Variants in ASNS observed in about 807,000 individuals in gnomAD.
ASNS encodes asparagine synthetase (glutamine-hydrolyzing).
A neutral mutation model predicts 62.6 loss-of-function variants in ASNS; 37 were observed. That is an observed-to-expected ratio of 0.59 (90% CI 0.45 to 0.78). The LOEUF (loss-of-function observed/expected upper bound fraction) is 0.78, where lower values mean the gene tolerates loss of function less well. ASNS is among the 30% of genes least tolerant of loss of function. The probability of loss-of-function intolerance (pLI) is 0.00; values close to 1 mark genes in which losing one functional copy is unlikely to be tolerated. For missense variants in ASNS, 520 were observed against 682.4 expected (o/e 0.76, Z 2.65); for synonymous variants, 207 against 237.9 (o/e 0.87, Z 1.19).
chr7:97,896,651 T>A, the ASNS span, among the ~76,000 whole-genome samples: 1 of 137,392 alleles, frequency 7.3e-6, no homozygotes, highest in Non-Finnish European at 1.6e-5. Flanking sequence ...TATATGTGTA[T>A]ATATACGTAT....
At chr7:97,885,949 C>T in the ASNS span, 1 of 593,314 alleles carries the variant, frequency 1.7e-6, no homozygotes, top group East Asian at 3.7e-5. Flanking sequence ...GCCAGTGGGA[C>T]CTGCTCCTGG....
chr7:97,864,180 A>G, intron 4 of ASNS, 79 bp downstream of exon 4: 1 of 1,330,770 alleles, frequency 7.5e-7, no homozygotes, highest in Non-Finnish European at 1.0e-6. Context: ...ATTGCTCTCT[A>G]AGAGATTTTC....
intron 4 of ASNS, chr7:97,863,310 C>G (rs775305120): frequency 6.6e-6 from 1 of 152,190 alleles, no homozygotes; most frequent in African/African-American, 2.4e-5. Context: ...GAAGTAAGTA[C>G]TGATACATGC....
chr7:97,909,206 T>C, the ASNS span, among the ~76,000 whole-genome samples: 2 of 151,996 alleles, frequency 1.3e-5, no homozygotes, highest in Non-Finnish European at 2.9e-5. Context: ...TCCTCCAGCA[T>C]TGGTATCCTA....
rs1791550817 is a variant in ASNS, at chr7:97,858,274, T to G, written c.903+4A>C. On this transcript the variant is annotated splice_donor_region_variant and intron_variant, in intron 7 of 12. Transcript: ENST00000394308. ...CTACACAAGGGACAGAGACAGCACCTTACCTTTCTAGCAGCCAGTAAATCG... is the reference window on the plus strand; with the variant it reads ...CTACACAAGGGACAGAGACAGCACCGTACCTTTCTAGCAGCCAGTAAATCG... 6.2e-7 allele frequency: 1 copy of G among 1,612,600 alleles called. No homozygotes were observed. Among genetic ancestry groups the G allele is most frequent in the African/African-American group, 1.3e-5 (1 of 74,874 alleles).
the ASNS span, among the ~76,000 whole-genome samples, chr7:97,918,932 C>T: frequency 1.3e-5 from 2 of 151,776 alleles, no homozygotes; most frequent in African/African-American, 2.4e-5. Flanking sequence ...TATCTCAGAA[C>T]GTAGAATAAA....
the ASNS span, among the ~76,000 whole-genome samples, chr7:97,882,499 G>T: frequency 6.6e-6 from 1 of 151,850 alleles, no homozygotes; most frequent in Non-Finnish European, 1.5e-5. Flanking sequence ...AGTGAGCCGA[G>T]ATCGCATCAC....
chr7:97,899,646 G>A, the ASNS span, among the ~76,000 whole-genome samples: 1 of 152,150 alleles, frequency 6.6e-6, no homozygotes, highest in South Asian at 2.1e-4. Flanking sequence ...ACCACTAATC[G>A]ACTTCCTATT....
At chr7:97,860,797 T>C (rs1290423150) in intron 4 of ASNS, among the ~76,000 whole-genome samples, 1 of 152,180 alleles carries the variant, frequency 6.6e-6, no homozygotes, top group Non-Finnish European at 1.5e-5. Flanking sequence ...TCTTCCAACT[T>C]GTGGGCCGTC....
chr7:97,879,956 C>T, the ASNS span, among the ~76,000 whole-genome samples: 1 of 152,144 alleles, frequency 6.6e-6, no homozygotes, highest in Admixed American at 6.6e-5. Context: ...TCCTGGGAGA[C>T]AGTTATGCCA....
the ASNS span, among the ~76,000 whole-genome samples, chr7:97,917,291 C>T: frequency 2.0e-5 from 3 of 151,642 alleles, no homozygotes; most frequent in Non-Finnish European, 4.4e-5. Context: ...ACCTGGCAAG[C>T]CTAACCCTGC....
At chr7:97,924,395 C>T in the ASNS span, among the ~76,000 whole-genome samples, 1 of 152,218 alleles carries the variant, frequency 6.6e-6, no homozygotes, top group African/African-American at 2.4e-5. Context: ...GCAGACACAC[C>T]ACGTTCCAGT....
chr7:97,871,588 G>GAAAACTGTCCTTTTTATTTAAAAAAAAT (rs1792263419), intron 1 of ASNS: 1 of 152,478 alleles, frequency 6.6e-6, no homozygotes, highest in African/African-American at 2.4e-5. Context: ...GGGCCGAGAT[G>GAAAACTGTCCTTTTTATTTAAAAAAAAT]AAAACTGTCC....
At chr7:97,881,161 C>T in the ASNS span, among the ~76,000 whole-genome samples, 2 of 152,170 alleles carry the variant, frequency 1.3e-5, no homozygotes, top group Admixed American at 6.5e-5. Flanking sequence ...AGGCAGGTCT[C>T]GAACTCCCAG....
At chr7:97,915,493 C>T in the ASNS span, among the ~76,000 whole-genome samples, 2 of 152,224 alleles carry the variant, frequency 1.3e-5, no homozygotes, top group South Asian at 4.1e-4. Context: ...GGCCCTGGCC[C>T]TCACGGTGAC....
upstream of ASNS, among the ~76,000 whole-genome samples, chr7:97,876,631 T>C (rs1792443906): frequency 6.6e-6 from 1 of 152,024 alleles, no homozygotes; most frequent in Non-Finnish European, 1.5e-5. Context: ...TTTCACCATG[T>C]TGTCCAGGAT....
chr7:97,906,235 A>G, the ASNS span, among the ~76,000 whole-genome samples: 2 of 152,026 alleles, frequency 1.3e-5, no homozygotes, highest in Non-Finnish European at 2.9e-5. Context: ...AATTCATGCT[A>G]CCAGTTTCCC....
chr7:97,896,982 AAAACTAGACCCT>A, the ASNS span, among the ~76,000 whole-genome samples: 1 of 150,788 alleles, frequency 6.6e-6, no homozygotes, highest in African/African-American at 2.4e-5. Context: ...AGAGAAGAAT[AAAACTAGACCCT>A]TATCTCTCAT....
the ASNS span, among the ~76,000 whole-genome samples, chr7:97,883,650 G>A: frequency 6.6e-6 from 1 of 152,122 alleles, no homozygotes; most frequent in African/African-American, 2.4e-5. Flanking sequence ...CATCCAAACC[G>A]ATCACTCGCT....
Sources: allele counts gnomAD v4.1 joint callset (sites outside exome capture counted in the v4.1 genomes callset), GRCh38; gene constraint gnomAD v4.1.1; transcripts MANE v1.5; gene names NCBI Gene and HGNC (gene_info 2026-07-23, HGNC 2026-07-21).